Variants in HYDIN observed in about 807,000 individuals in gnomAD.
HYDIN encodes the protein axonemal central pair apparatus protein HYDIN.
In HYDIN, 132 loss-of-function variants were observed where a neutral mutation model predicts 403.9. The observed-to-expected ratio is 0.33, with a 90% CI of 0.28 to 0.38. The LOEUF is 0.38. Ranked by LOEUF, HYDIN falls within the 10% of genes least tolerant of loss-of-function variation. HYDIN has a pLI of 1.00. For missense variants in HYDIN, 2,827 were observed against 5,009.5 expected, an observed-to-expected ratio of 0.56 and a Z score of 13.15; for synonymous variants, 1,202 against 1,891.7, an observed-to-expected ratio of 0.64 and a Z score of 9.46.
At chr16:70,990,145 C>G (rs1216386671) in intron 25 of HYDIN, among the ~76,000 whole-genome samples, 1 of 151,792 alleles carries the variant, frequency 6.6e-6, no homozygotes, top group Non-Finnish European at 1.5e-5. Context: ...GCTGTAATCC[C>G]AGGACTTTGG....
chr16:71,206,864 A>T (rs1200611380), intron 1 of HYDIN, among the ~76,000 whole-genome samples: 4 of 152,212 alleles, frequency 2.6e-5, no homozygotes, highest in Admixed American at 6.5e-5. Flanking sequence ...TAACAGTCAG[A>T]TAAGAATAAA....
chr16:71,228,700 T>G (rs1196204004), intron 1 of HYDIN, among the ~76,000 whole-genome samples: 2 of 152,216 alleles, frequency 1.3e-5, no homozygotes, highest in Non-Finnish European at 2.9e-5. Context: ...ACTTTTACAC[T>G]GTTGGTGGGA....
At chr16:71,177,067 T>C (rs1420973843) in intron 4 of HYDIN, among the ~76,000 whole-genome samples, 5 of 152,200 alleles carry the variant, frequency 3.3e-5, no homozygotes, top group Non-Finnish European at 5.9e-5. Context: ...TGTCTGCCTC[T>C]TGGTAGCTGG....
chr16:71,208,554 T>A (rs1321881979), intron 1 of HYDIN, among the ~76,000 whole-genome samples: 4 of 151,614 alleles, frequency 2.6e-5, no homozygotes, highest in Admixed American at 6.6e-5. Flanking sequence ...GTAACCAAAA[T>A]CAGAGCTGAA....
chr16:70,822,265 A>C (rs2036317642), intron 83 of HYDIN, among the ~76,000 whole-genome samples: 1 of 152,232 alleles, frequency 6.6e-6, no homozygotes. Flanking sequence ...GACTTCAGTA[A>C]CTGGAAAAGT....
intron 10 of HYDIN, among the ~76,000 whole-genome samples, chr16:71,094,884 TCTC>T (rs1347190592): frequency 1.3e-5 from 2 of 151,932 alleles, no homozygotes; most frequent in African/African-American, 4.8e-5. Flanking sequence ...TACACACAAA[TCTC>T]CTCTGGAAAC....
rs1303267272 is a variant in HYDIN, at chr16:70,805,504, A to C, written c.*2076T>G. ...GAACTGGTTAGAAATGCAGATTCTC[A>C]AGCCCCACCCAAATCTCCTAGATCG... is the stretch of plus-strand genomic sequence containing the variant. On this transcript the variant is annotated 3_prime_UTR_variant, in exon 86 of 86. Coordinates refer to ENST00000393567, the MANE Select transcript of HYDIN (RefSeq NM_001270974.2). Among the ~76,000 whole-genome samples the C allele has an allele frequency of 6.6e-6, 1 of 152,186 alleles. No individual in the cohort carries two copies. Among genetic ancestry groups the C allele is most frequent in the Admixed American group, 6.5e-5 (1 of 15,278 alleles).
intron 10 of HYDIN, 81 bp downstream of exon 10, chr16:71,115,615 A>C: frequency 1.1e-5 from 7 of 632,076 alleles, no homozygotes; most frequent in Non-Finnish European, 2.0e-5. Flanking sequence ...GCACATGTGC[A>C]CACACACACA....
chr16:70,994,204 G>C (rs918086566), intron 23 of HYDIN, among the ~76,000 whole-genome samples: 15 of 151,836 alleles, frequency 9.9e-5, no homozygotes, highest in Non-Finnish European at 1.9e-4. Flanking sequence ...CTATTGCACA[G>C]GGTCTTATAC....
At chr16:71,151,240 T>C (rs2085525824) in intron 7 of HYDIN, among the ~76,000 whole-genome samples, 1 of 152,090 alleles carries the variant, frequency 6.6e-6, no homozygotes, top group Admixed American at 6.5e-5. Flanking sequence ...CGAGTGTGGC[T>C]AAAACTAATA....
intron 62 of HYDIN, among the ~76,000 whole-genome samples, chr16:70,878,634 AG>A (rs1212765534): frequency 1.3e-5 from 2 of 148,462 alleles, no homozygotes; most frequent in Non-Finnish European, 1.5e-5. Flanking sequence ...TATCTCCTGT[AG>A]TAGTGTGCAC....
chr16:70,973,388 A>G lies in HYDIN; in HGVS notation c.5334T>C (p.Pro1778=). 1.9e-6 allele frequency: 1 copy of G among 529,744 alleles called. No individual in the cohort carries two copies. Among genetic ancestry groups the G allele is most frequent in the Non-Finnish European group, 3.3e-6 (1 of 303,460 alleles). 32.8% of individuals were successfully genotyped at this position (529,744 alleles called of 1,614,324 possible). A position where few individuals can be genotyped will look rare whatever the true frequency, so the allele number is the denominator to read the frequency against. Residue 1778 remains proline, a synonymous_variant, in exon 35 of 86, where the codon CCT becomes CCC. Coordinates refer to ENST00000393567, the MANE Select transcript of HYDIN (RefSeq NM_001270974.2). ...EIQPISGVLD[P]GEKSNVQVKF... ...TCACTTGCACGTTGGACTTCTCACC[A>G]GGATCCAAGACTCCAGAAATGGGCT...
At chr16:70,993,504 T>C (rs560856619) in intron 23 of HYDIN, among the ~76,000 whole-genome samples, 2 of 152,334 alleles carry the variant, frequency 1.3e-5, no homozygotes, top group Non-Finnish European at 1.5e-5. Context: ...TCCATGTTTT[T>C]GCATGGAGCA....
chr16:70,805,657 C>G lies in HYDIN; in HGVS notation c.*1923G>C, dbSNP rs980514153. ...ATATTTGCAAGTCATCACTCTTGCT[C>G]ATTGATCTTAGCATCCTCTCAGATT... On this transcript the variant is annotated 3_prime_UTR_variant, in exon 86 of 86. Coordinates refer to ENST00000393567, the MANE Select transcript of HYDIN (RefSeq NM_001270974.2). Among the ~76,000 whole-genome samples, 2 of 152,218 alleles carry G rather than the reference C, an allele frequency of 1.3e-5. No homozygotes were observed. Among genetic ancestry groups the G allele is most frequent in the Non-Finnish European group, 2.9e-5 (2 of 68,042 alleles).
intron 45 of HYDIN, among the ~76,000 whole-genome samples, chr16:70,926,174 C>T (rs1037453612): frequency 2.9e-4 from 42 of 146,276 alleles, no homozygotes; most frequent in African/African-American, 7.7e-4. Context: ...ATGTTTATTG[C>T]GGCACTATTC....
At chr16:70,918,594 T>C (rs1190697322) in intron 46 of HYDIN, among the ~76,000 whole-genome samples, 165 bp from the exon 47 acceptor site, 2 of 152,252 alleles carry the variant, frequency 1.3e-5, no homozygotes, top group African/African-American at 2.4e-5. Flanking sequence ...GCCTAGCACA[T>C]AGCAGGCAAT....
rs112824340 is a variant in HYDIN, at chr16:71,211,296, C to G, written c.-24+19266G>C. ...AGAGAACTTCAAGCCATGAGCTAGGCTTGGGGTATTCCCAGACTAAAAGAT... is the reference window on the plus strand; with the variant it reads ...AGAGAACTTCAAGCCATGAGCTAGGGTTGGGGTATTCCCAGACTAAAAGAT... On this transcript the variant is annotated intron_variant, in intron 1 of 85. Transcript: ENST00000393567. 8.4e-3 allele frequency among the ~76,000 whole-genome samples: 1,276 copies of G among 152,272 alleles called. 11 individuals are homozygous for G. The highest frequency in any genetic ancestry group is 0.013 in the Non-Finnish European group (909 of 68,004).
chr16:71,074,128 G>A (rs575973666), intron 13 of HYDIN, among the ~76,000 whole-genome samples: 2 of 152,194 alleles, frequency 1.3e-5, no homozygotes, highest in African/African-American at 4.8e-5. Context: ...GGATAATACT[G>A]TCAACTTTAG....
chr16:70,839,941 T>C (rs1344134152), intron 76 of HYDIN, 123 bp downstream of exon 76: 2 of 625,162 alleles, frequency 3.2e-6, no homozygotes, highest in East Asian at 5.6e-5. Flanking sequence ...TACCCACTTT[T>C]GTTTGACTCT....
Sources: gnomAD v4.1 joint callset for allele counts (sites outside exome capture counted in the v4.1 genomes callset) on GRCh38, gnomAD v4.1.1 for gene constraint, MANE v1.5 for transcripts, NCBI Gene and HGNC (gene_info 2026-07-23, HGNC 2026-07-21) for gene names.